AMOTL1: variants seen among roughly 807,000 people sequenced by gnomAD.
AMOTL1 encodes the protein angiomotin-like protein 1.
AMOTL1 carries 45 observed loss-of-function variants against 102.9 expected under a neutral mutation model. The ratio of observed to expected loss-of-function variants is 0.44; its 90% CI spans 0.34 to 0.56. The LOEUF is 0.56. Among genes scored for constraint, AMOTL1 ranks in the 20% least tolerant of loss-of-function variants. AMOTL1 has a pLI of 0.01. For missense variants in AMOTL1, 1,114 were observed against 1,225.6 expected, an observed-to-expected ratio of 0.91 and a Z score of 1.36; for synonymous variants, 481 against 484.7, an observed-to-expected ratio of 0.99 and a Z score of 0.10.
Position 94,830,043 on chromosome 11 carries a change from C to CT in AMOTL1, c.1414-3dup, listed in dbSNP as rs751965652. ...GGTACCACTTTAATGCCAGTTCTTT[C>CT]TTTTAGTTTGAAAAAGAACTTCAGA... On this transcript the variant is annotated splice_polypyrimidine_tract_variant and splice_region_variant and intron_variant, in intron 4 of 12. Transcript: ENST00000433060. The CT allele has an allele frequency of 1.9e-6, 3 of 1,586,864 alleles. No homozygotes were observed. The African/African-American group carries it at 4.1e-5, about 22-fold the overall frequency.
At position 94,825,038 on chromosome 11, in the gene AMOTL1, T is replaced by C. The variant is rs986027745; in HGVS notation, c.1413+3217T>C. Among the ~76,000 whole-genome samples the C allele has an allele frequency of 2.0e-5, 3 of 152,352 alleles. No individual in the cohort carries two copies. The South Asian group carries it at 6.2e-4, about 32-fold the overall frequency. On this transcript the variant is annotated intron_variant, in intron 4 of 12. Coordinates refer to ENST00000433060, the MANE Select transcript of AMOTL1 (RefSeq NM_130847.3). Reference sequence around the variant, plus strand: ...ATTATCACTGTTAATGTTGGAATGATGGTCGAGGACCCCCAGAAAGAGATG... The same window carrying C: ...ATTATCACTGTTAATGTTGGAATGACGGTCGAGGACCCCCAGAAAGAGATG...
intron 6 of AMOTL1, among the ~76,000 whole-genome samples, chr11:94,837,582 C>T (rs984494582): frequency 2.0e-5 from 3 of 152,240 alleles, no homozygotes; most frequent in Non-Finnish European, 2.9e-5. Flanking sequence ...TTCAGACCTA[C>T]ATGACAACCA....
chr11:94,845,985 G>A (rs536670826), intron 6 of AMOTL1, among the ~76,000 whole-genome samples: 19 of 152,274 alleles, frequency 1.2e-4, no homozygotes, highest in African/African-American at 4.1e-4. Context: ...ATCCTAAGAG[G>A]CTTAGCTAAT....
At chr11:94,749,625 T>A (rs1224853418) in intron 3 of AMOTL1, among the ~76,000 whole-genome samples, 1 of 152,230 alleles carries the variant, frequency 6.6e-6, no homozygotes, top group Non-Finnish European at 1.5e-5. Context: ...AACCCTTTTG[T>A]AAATAGTTGC....
At chr11:94,793,050 C>G (rs1431369530) in intron 1 of AMOTL1, among the ~76,000 whole-genome samples, 1 of 152,096 alleles carries the variant, frequency 6.6e-6, no homozygotes, top group South Asian at 2.1e-4. Flanking sequence ...CTACACTCTT[C>G]TTTATACACA....
At position 94,809,249 on chromosome 11, in the gene AMOTL1, G is replaced by A. The variant is rs541013922; in HGVS notation, c.1121+8938G>A. On this transcript the variant is annotated intron_variant, in intron 3 of 12. Coordinates refer to ENST00000433060, the MANE Select transcript of AMOTL1 (RefSeq NM_130847.3). The stretch of plus-strand genomic sequence containing the variant: ...GCCTCCCAAAGTGTTGGGATTACAA[G>A]CATGAGCCACTGCGCCTGGCCCTAA... Among the ~76,000 whole-genome samples the A allele has an allele frequency of 9.9e-5, 15 of 152,232 alleles. No individual in the cohort carries two copies. The South Asian group carries it at 3.1e-3, about 32-fold the overall frequency.
intron 6 of AMOTL1, among the ~76,000 whole-genome samples, chr11:94,837,458 G>A (rs555564059): frequency 6.6e-6 from 1 of 152,278 alleles, no homozygotes; most frequent in African/African-American, 2.4e-5. Context: ...GGGAGAGTGG[G>A]CCATGTTCCC....
intron 3 of AMOTL1, among the ~76,000 whole-genome samples, chr11:94,816,978 A>G (rs775442114): frequency 2.6e-5 from 4 of 152,224 alleles, no homozygotes; most frequent in Non-Finnish European, 5.9e-5. Flanking sequence ...CAAGACCAGC[A>G]TATGAGCCTC....
intron 1 of AMOTL1, among the ~76,000 whole-genome samples, chr11:94,773,656 T>G (rs1306502642): frequency 6.6e-6 from 1 of 152,220 alleles, no homozygotes; most frequent in South Asian, 2.1e-4. Context: ...AAAATTGGTT[T>G]GCTTTTGATC....
intron 6 of AMOTL1, among the ~76,000 whole-genome samples, chr11:94,847,389 G>A (rs1212751734): frequency 2.6e-5 from 4 of 152,174 alleles, no homozygotes; most frequent in African/African-American, 9.7e-5. Context: ...CTTGTTCAGT[G>A]GACACTGAAC....
upstream of AMOTL1, among the ~76,000 whole-genome samples, chr11:94,767,716 G>T (rs1950872489): frequency 6.6e-6 from 1 of 152,152 alleles, no homozygotes; most frequent in Admixed American, 6.5e-5. Flanking sequence ...TAAGAGGTGG[G>T]GCAACATTTT....
chr11:94,863,331 G>A (rs1353053403), intron 9 of AMOTL1, among the ~76,000 whole-genome samples: 5 of 151,406 alleles, frequency 3.3e-5, no homozygotes, highest in African/African-American at 9.7e-5. Context: ...GGTGGCTCAC[G>A]TCTGTAATCC....
intron 11 of AMOTL1, among the ~76,000 whole-genome samples, chr11:94,867,641 T>A (rs1209616120): frequency 1.3e-5 from 2 of 152,196 alleles, no homozygotes; most frequent in African/African-American, 4.8e-5. Context: ...GGTTCATGGG[T>A]GACTGCACAG....
At chr11:94,750,062 G>A (rs767024810) in intron 3 of AMOTL1, among the ~76,000 whole-genome samples, 24 of 152,134 alleles carry the variant, frequency 1.6e-4, no homozygotes. Context: ...TATAACCATT[G>A]TACTCAGCTT....
intron 3 of AMOTL1, among the ~76,000 whole-genome samples, chr11:94,744,166 A>G (rs1950562696): frequency 1.3e-5 from 2 of 152,226 alleles, no homozygotes; most frequent in African/African-American, 4.8e-5. Flanking sequence ...GTGGGTCCAC[A>G]TATTACCCAC....
intron 5 of AMOTL1, among the ~76,000 whole-genome samples, chr11:94,830,885 G>C (rs76078249): frequency 0.011 from 1,654 of 152,332 alleles, 18 homozygotes; most frequent in East Asian, 0.05. Context: ...ACTCTTTTGG[G>C]TTGAGTATCA....
intron 2 of AMOTL1, among the ~76,000 whole-genome samples, chr11:94,730,320 G>A (rs936434491): frequency 2.6e-5 from 4 of 152,116 alleles, no homozygotes; most frequent in African/African-American, 7.2e-5. Context: ...TCACATGCCT[G>A]TGAACCTTTG....
intron 4 of AMOTL1, among the ~76,000 whole-genome samples, chr11:94,827,526 T>C (rs1473148011): frequency 6.6e-6 from 1 of 152,216 alleles, no homozygotes; most frequent in African/African-American, 2.4e-5. Context: ...GACAGGATCA[T>C]AATTCATGGT....
At chr11:94,766,314 C>T (rs1417535239), upstream of AMOTL1, among the ~76,000 whole-genome samples, 1 of 152,070 alleles carries the variant, frequency 6.6e-6, no homozygotes, top group Non-Finnish European at 1.5e-5. Context: ...GAGTATTTTA[C>T]ATTTGTTATT....
Sources: allele counts gnomAD v4.1 joint callset (sites outside exome capture counted in the v4.1 genomes callset), GRCh38; gene constraint gnomAD v4.1.1; transcripts MANE v1.5; gene names NCBI Gene and HGNC (gene_info 2026-07-23, HGNC 2026-07-21).